LEMD1: variants seen among roughly 807,000 people sequenced by gnomAD.
LEMD1 encodes the protein LEM domain-containing protein 1.
A neutral mutation model predicts 17.4 loss-of-function variants in LEMD1; 18 were observed. The observed-to-expected ratio is 1.04, with a 90% CI of 0.72 to 1.54. The LOEUF (loss-of-function observed/expected upper bound fraction) is 1.54, where lower values mean the gene tolerates loss of function less well. Among genes scored for constraint, LEMD1 ranks in the 40% most tolerant of loss-of-function variants. The pLI is 0.00. For synonymous variants in LEMD1, 88 were observed against 77.8 expected, an observed-to-expected ratio of 1.13 and a Z score of -0.69; for missense variants, 195 against 210.4, an observed-to-expected ratio of 0.93 and a Z score of 0.45.
At chr1:205,387,472 A>C (rs1228059712) in intron 4 of LEMD1, 1 of 152,230 alleles carries the variant, frequency 6.6e-6, no homozygotes, top group Non-Finnish European at 1.5e-5. Context: ...TTTATATTTC[A>C]TCTTTTAAAA....
rs896821696 is a variant in LEMD1, at chr1:205,419,080, A to T, written c.205+150T>A. ...AGTTAACAGATTCTTTTTACAGCCC[A>T]GGGGCCTATTTTCCAGGCTTTCTGT... On this transcript the variant is annotated intron_variant, in intron 3 of 5. Transcript: ENST00000367153. The T allele has an allele frequency of 2.5e-5, 20 of 802,820 alleles. No individual in the cohort carries two copies. In the African/African-American group the frequency reaches 3.4e-4, roughly 14 times the overall value. 49.7% of individuals were successfully genotyped at this position (802,820 alleles called of 1,614,324 possible).
intron 4 of LEMD1, among the ~76,000 whole-genome samples, chr1:205,405,738 T>C (rs9662416): frequency 0.3 from 44,273 of 148,568 alleles, 6,877 homozygotes; most frequent in African/African-American, 0.37. Flanking sequence ...TGTTCCGTTG[T>C]TGGTGAGGAA....
intron 5 of LEMD1, among the ~76,000 whole-genome samples, chr1:205,382,987 T>G (rs1307110637): frequency 6.6e-6 from 1 of 152,228 alleles, no homozygotes; most frequent in Admixed American, 6.5e-5. Flanking sequence ...CTAATACAAT[T>G]GCCTGTCTTG....
intron 4 of LEMD1, among the ~76,000 whole-genome samples, chr1:205,413,209 G>A (rs1037300615): frequency 1.3e-5 from 2 of 152,188 alleles, no homozygotes; most frequent in Non-Finnish European, 2.9e-5. Context: ...TTGGTGAGGT[G>A]AGCTTTGAAC....
In LEMD1 at chr1:205,400,537, T is replaced by C. The variant is rs547360023; in HGVS notation, c.270+15695A>G. On this transcript the variant is annotated intron_variant, in intron 4 of 5. Transcript: ENST00000367153. ...TAATCAAAAGGAAAAATCAGACAAA[T>C]CCAATTTGAGGTTCACCCTTGTGAT... Among the ~76,000 whole-genome samples, 35 of 152,204 alleles carry C rather than the reference T, an allele frequency of 2.3e-4. No homozygotes were observed. In the South Asian group the frequency reaches 6.4e-3, roughly 28 times the overall value.
At chr1:205,438,420 C>A (rs756202177) in intron 1 of LEMD1, among the ~76,000 whole-genome samples, 1 of 152,196 alleles carries the variant, frequency 6.6e-6, no homozygotes, top group African/African-American at 2.4e-5. Flanking sequence ...AAGCCTGGCC[C>A]GAAGTCAGAG....
upstream of LEMD1, among the ~76,000 whole-genome samples, chr1:205,424,816 C>T (rs576340646): frequency 1.3e-5 from 2 of 152,286 alleles, no homozygotes; most frequent in African/African-American, 4.8e-5. Context: ...GCCTTCACCT[C>T]TGGGCACACG....
rs144482107 is a variant in LEMD1 at position 205,391,937 on chromosome 1, G to T, written c.271-7573C>A. Among the ~76,000 whole-genome samples the T allele has an allele frequency of 4.8e-3, 653 of 135,108 alleles. 4 individuals carry two copies. The highest frequency in any genetic ancestry group is 0.018 in the African/African-American group (619 of 33,698). 88.6% of individuals were successfully genotyped at this position (135,108 alleles called of 152,430 possible). On this transcript the variant is annotated intron_variant, in intron 4 of 5. Coordinates refer to ENST00000367153, the MANE Select transcript of LEMD1 (RefSeq NM_001199050.2). ...AACCTGGCCAACGTGGTGAAACCTC[G>T]TCTCTACCGAAAAAAAAAAAAAAAA...
chr1:205,395,153 T>C (rs180772436), intron 4 of LEMD1, among the ~76,000 whole-genome samples: 124 of 152,196 alleles, frequency 8.1e-4, no homozygotes, highest in African/African-American at 2.7e-3. Flanking sequence ...ATGTCTGCAG[T>C]TGGATCTGAA....
chr1:205,395,440 C>T (rs1372257954), intron 4 of LEMD1, among the ~76,000 whole-genome samples: 1 of 151,506 alleles, frequency 6.6e-6, no homozygotes, highest in Non-Finnish European at 1.5e-5. Flanking sequence ...ACTAAAAATA[C>T]AAAATTAGCC....
intron 4 of LEMD1, among the ~76,000 whole-genome samples, chr1:205,409,339 G>A (rs1305434003): frequency 6.6e-6 from 1 of 152,078 alleles, no homozygotes; most frequent in African/African-American, 2.4e-5. Flanking sequence ...ATGTTGTGTT[G>A]TACTACAGGT....
chr1:205,405,931 C>A (rs1377482631), intron 4 of LEMD1, among the ~76,000 whole-genome samples: 2 of 152,172 alleles, frequency 1.3e-5, no homozygotes, highest in African/African-American at 4.8e-5. Context: ...AGACAGGAAC[C>A]TCAGCTGCAG....
intron 1 of LEMD1, among the ~76,000 whole-genome samples, chr1:205,439,114 C>A (rs80161252): frequency 0.027 from 4,170 of 152,276 alleles, 101 homozygotes; most frequent in East Asian, 0.07. Context: ...CCAGGAGGCT[C>A]TCTGGCCTCT....
chr1:205,419,564 A>C (rs552174889), intron 2 of LEMD1, among the ~76,000 whole-genome samples: 1 of 152,268 alleles, frequency 6.6e-6, no homozygotes, highest in African/African-American at 2.4e-5. Context: ...TCCCATATTC[A>C]AGCGATTCTC....
At chr1:205,442,639 G>A (rs1666313704) in intron 1 of LEMD1, among the ~76,000 whole-genome samples, 1 of 152,210 alleles carries the variant, frequency 6.6e-6, no homozygotes, top group Non-Finnish European at 1.5e-5. Flanking sequence ...TGGATGGGCA[G>A]GAGGCCCAGC....
At chr1:205,438,459 G>A (rs999899304) in intron 1 of LEMD1, among the ~76,000 whole-genome samples, 8 of 152,238 alleles carry the variant, frequency 5.3e-5, no homozygotes, top group Non-Finnish European at 1.0e-4. Flanking sequence ...GCGAATGCTG[G>A]GGCTGCTTTG....
chr1:205,417,741 A>AT (rs1347961371), intron 3 of LEMD1, among the ~76,000 whole-genome samples: 2 of 151,198 alleles, frequency 1.3e-5, no homozygotes, highest in Non-Finnish European at 2.9e-5. Context: ...GGATTACAGG[A>AT]TTTTTCAGAG....
chr1:205,411,423 C>T (rs538896392), intron 4 of LEMD1, among the ~76,000 whole-genome samples: 467 of 151,788 alleles, frequency 3.1e-3, no homozygotes, highest in African/African-American at 0.01. Flanking sequence ...GGCGTGGTGG[C>T]GGGCGCATGT....
intron 4 of LEMD1, among the ~76,000 whole-genome samples, chr1:205,411,171 AAAG>A (rs1479426124): frequency 2.7e-5 from 4 of 146,690 alleles, no homozygotes. Context: ...AGAGAGAGAG[AAAG>A]AAGGAAAGAA....
Sources: allele counts gnomAD v4.1 joint callset (sites outside exome capture counted in the v4.1 genomes callset), GRCh38; gene constraint gnomAD v4.1.1; transcripts MANE v1.5; gene names NCBI Gene and HGNC (gene_info 2026-07-23, HGNC 2026-07-21).